Variants in CCSER1 observed in about 807,000 individuals in gnomAD.
The protein encoded by CCSER1 is coiled-coil serine rich protein 1.
CCSER1 carries 41 observed loss-of-function variants against 82.0 expected under a neutral mutation model. The observed-to-expected ratio is 0.50, with a 90% CI of 0.39 to 0.65. CCSER1 has a LOEUF of 0.65. Ranked by LOEUF, CCSER1 falls within the 30% of genes least tolerant of loss-of-function variation. CCSER1 has a pLI of 0.00. For synonymous variants in CCSER1, 414 were observed against 383.9 expected, an observed-to-expected ratio of 1.08 and a Z score of -0.92; for missense variants, 1,119 against 1,064.2, an observed-to-expected ratio of 1.05 and a Z score of -0.72.
At chr4:91,462,806 T>G (rs1391125109) in intron 10 of CCSER1, among the ~76,000 whole-genome samples, 1 of 151,950 alleles carries the variant, frequency 6.6e-6, no homozygotes, top group African/African-American at 2.4e-5. Context: ...CAGTGAGGCT[T>G]GGGGAGGGGC....
chr4:90,917,906 T>C (rs1581075489), intron 8 of CCSER1, among the ~76,000 whole-genome samples: 1 of 152,054 alleles, frequency 6.6e-6, no homozygotes, highest in African/African-American at 2.4e-5. Context: ...AGTGTCAGTT[T>C]TTCTAGAATA....
intron 10 of CCSER1, among the ~76,000 whole-genome samples, chr4:91,234,586 A>T (rs1738859853): frequency 1.3e-5 from 2 of 152,140 alleles, no homozygotes; most frequent in South Asian, 4.1e-4. Flanking sequence ...TATGTGGGAT[A>T]TGAGACTATA....
At chr4:90,516,764 C>T (rs953131817) in intron 5 of CCSER1, among the ~76,000 whole-genome samples, 3 of 152,112 alleles carry the variant, frequency 2.0e-5, no homozygotes, top group Admixed American at 6.6e-5. Flanking sequence ...GGCCGCTGAA[C>T]GATCATGCTA....
intron 8 of CCSER1, among the ~76,000 whole-genome samples, chr4:90,894,373 T>C (rs1201773596): frequency 6.6e-6 from 1 of 152,052 alleles, no homozygotes; most frequent in Non-Finnish European, 1.5e-5. Context: ...TTTGATACTA[T>C]GCACATACTT....
chr4:91,204,639 G>GA (rs111661724), intron 10 of CCSER1, among the ~76,000 whole-genome samples: 31 of 151,094 alleles, frequency 2.1e-4, no homozygotes, highest in Non-Finnish European at 3.4e-4. Flanking sequence ...TAAATAAACT[G>GA]AAAAAAAATC....
At chr4:91,567,546 A>G (rs1762949082) in intron 10 of CCSER1, among the ~76,000 whole-genome samples, 1 of 151,106 alleles carries the variant, frequency 6.6e-6, no homozygotes, top group South Asian at 2.1e-4. Context: ...AACTTGCTTT[A>G]TGAATCTGGG....
chr4:91,384,330 T>C (rs1034383962), intron 10 of CCSER1, among the ~76,000 whole-genome samples: 3 of 152,024 alleles, frequency 2.0e-5, no homozygotes, highest in Admixed American at 6.6e-5. Flanking sequence ...TTAAAGTAAC[T>C]GGGAAAACAA....
At chr4:90,292,338 T>C (rs1394969815) in intron 1 of CCSER1, among the ~76,000 whole-genome samples, 1 of 151,988 alleles carries the variant, frequency 6.6e-6, no homozygotes, top group Non-Finnish European at 1.5e-5. Flanking sequence ...TATTTGTATG[T>C]GTACTAAATT....
At chr4:90,193,574 A>G (rs999077954) in intron 1 of CCSER1, among the ~76,000 whole-genome samples, 10 of 127,590 alleles carry the variant, frequency 7.8e-5, no homozygotes, top group Admixed American at 3.9e-4. Context: ...CTTGAGCACC[A>G]TATTACCTAG....
In CCSER1 at chr4:91,599,200, TA is replaced by T; in HGVS notation, c.*146del. ...GTTGTTGGGTTTTTTTTCTTAGTCA[TA>T]AACAAAGACTTGTGGGTTTTTTTTT... is the stretch of plus-strand genomic sequence containing the variant. On this transcript the variant is annotated 3_prime_UTR_variant, in exon 11 of 11. Coordinates refer to ENST00000509176, the MANE Select transcript of CCSER1 (RefSeq NM_001145065.2). 1 of 1,073,168 alleles carries T rather than the reference TA, an allele frequency of 9.3e-7. No homozygotes were observed. Among genetic ancestry groups the T allele is most frequent in the Non-Finnish European group, 1.3e-6 (1 of 777,734 alleles). The allele number at this position is 1,073,168 out of a possible 1,614,324, so 66.5% of individuals were successfully genotyped here.
intron 8 of CCSER1, among the ~76,000 whole-genome samples, chr4:90,886,519 A>G: frequency 6.6e-6 from 1 of 152,224 alleles, no homozygotes; most frequent in Non-Finnish European, 1.5e-5. Flanking sequence ...ATACAGTTGT[A>G]TATGTTAACT....
intron 3 of CCSER1, among the ~76,000 whole-genome samples, chr4:90,355,777 T>C (rs1466506382): frequency 6.6e-6 from 1 of 152,050 alleles, no homozygotes; most frequent in African/African-American, 2.4e-5. Context: ...GCTGATTTAA[T>C]GCCACTTATG....
In CCSER1 at chr4:91,575,291, A is replaced by G. The variant is rs140487554; in HGVS notation, c.2218-23281A>G. Among the ~76,000 whole-genome samples the G allele has an allele frequency of 1.4e-4, 21 of 152,180 alleles. No individual in the cohort carries two copies. In the East Asian group the frequency reaches 3.9e-3, roughly 28 times the overall value. On this transcript the variant is annotated intron_variant, in intron 10 of 10. Transcript: ENST00000509176. ...AAAAGAAAACCCAGGAGAAAAACTCATTGACATTGATCATGGCAATGTTTC... is the reference window on the plus strand; with the variant it reads ...AAAAGAAAACCCAGGAGAAAAACTCGTTGACATTGATCATGGCAATGTTTC...
chr4:91,342,167 C>T (rs1288025516), intron 10 of CCSER1, among the ~76,000 whole-genome samples: 1 of 152,070 alleles, frequency 6.6e-6, no homozygotes, highest in East Asian at 1.9e-4. Context: ...TTACTACAGT[C>T]TATAAGATTG....
At chr4:90,959,751 T>C (rs1733880283) in intron 9 of CCSER1, among the ~76,000 whole-genome samples, 1 of 151,596 alleles carries the variant, frequency 6.6e-6, no homozygotes, top group African/African-American at 2.4e-5. Flanking sequence ...TTTTTTTTTT[T>C]TTCGTTTGTT....
chr4:90,841,690 T>C (rs879803809), intron 8 of CCSER1, among the ~76,000 whole-genome samples: 3 of 152,200 alleles, frequency 2.0e-5, no homozygotes, highest in Admixed American at 1.3e-4. Flanking sequence ...GCAGTTTTCT[T>C]CTTTACCTGT....
chr4:91,397,289 G>A (rs1012951266), intron 10 of CCSER1, among the ~76,000 whole-genome samples: 3 of 151,952 alleles, frequency 2.0e-5, no homozygotes, highest in Non-Finnish European at 4.4e-5. Context: ...AGTGGTGTGG[G>A]TAAGACAGAT....
intron 6 of CCSER1, among the ~76,000 whole-genome samples, chr4:90,638,075 T>A (rs1328878594): frequency 6.6e-6 from 1 of 152,102 alleles, no homozygotes; most frequent in Non-Finnish European, 1.5e-5. Context: ...GCGGGATAAC[T>A]CCTTTAAGCT....
chr4:90,640,761 C>A (rs1409194865), intron 6 of CCSER1, among the ~76,000 whole-genome samples: 1 of 152,138 alleles, frequency 6.6e-6, no homozygotes. Context: ...TTTCGCTCTG[C>A]ACTTCTCCTT....
Sources: allele counts gnomAD v4.1 joint callset (sites outside exome capture counted in the v4.1 genomes callset), GRCh38; gene constraint gnomAD v4.1.1; transcripts MANE v1.5; gene names NCBI Gene and HGNC (gene_info 2026-07-23, HGNC 2026-07-21).